POU2F1: variants seen among roughly 807,000 people sequenced by gnomAD.
POU2F1 encodes the protein POU domain, class 2, transcription factor 1.
A neutral mutation model predicts 84.9 loss-of-function variants in POU2F1; 16 were observed. The ratio of observed to expected loss-of-function variants is 0.19; its 90% CI spans 0.13 to 0.29. The LOEUF (loss-of-function observed/expected upper bound fraction) is 0.29, where lower values mean the gene tolerates loss of function less well. POU2F1 is among the 10% of genes least tolerant of loss of function. The pLI is 1.00. For missense variants in POU2F1, 738 were observed against 942.6 expected (o/e 0.78, Z 2.84); for synonymous variants, 368 against 368.3 (o/e 1.00, Z 0.01).
At chr1:167,230,714 A>G (rs542932511) in intron 1 of POU2F1, among the ~76,000 whole-genome samples, 15 of 152,356 alleles carry the variant, frequency 9.8e-5, no homozygotes, top group Non-Finnish European at 1.9e-4. Flanking sequence ...TCAGCACTTC[A>G]TTATACACAG....
intron 1 of POU2F1, among the ~76,000 whole-genome samples, chr1:167,249,093 A>G (rs1366105510): frequency 6.6e-6 from 1 of 152,200 alleles, no homozygotes; most frequent in East Asian, 1.9e-4. Context: ...TTACTGAAAC[A>G]CATATATTAT....
Position 167,416,087 on chromosome 1 carries a change from T to TAAAAAAAAAAAAAAAAAAAACAAAAAAAA in POU2F1, c.*296_*297insACAAAAAAAAAAAAAAAAAAAAAAAAAAA. ...ATTGGAGAACTTTCTAACCAAAAATTAAAAAAAAAAAAAAAAAAAGAAACA... is the reference window on the plus strand; with the variant it reads ...ATTGGAGAACTTTCTAACCAAAAATTAAAAAAAAAAAAAAAAAAAACAAAAAAAAAAAAAAAAAAAAAAAAAAAGAAACA... On this transcript the variant is annotated 3_prime_UTR_variant, in exon 16 of 16. Coordinates refer to ENST00000367866, the MANE Select transcript of POU2F1 (RefSeq NM_002697.4). 1 of 351,044 alleles carries TAAAAAAAAAAAAAAAAAAAACAAAAAAAA rather than the reference T, an allele frequency of 2.8e-6. No homozygotes were observed. Among genetic ancestry groups the TAAAAAAAAAAAAAAAAAAAACAAAAAAAA allele is most frequent in the East Asian group, 8.0e-5 (1 of 12,468 alleles). The allele number at this position is 351,044 out of a possible 1,614,324, so 21.7% of individuals were successfully genotyped here.
chr1:167,263,149 T>G (rs2102441287), intron 1 of POU2F1, among the ~76,000 whole-genome samples: 1 of 152,374 alleles, frequency 6.6e-6, no homozygotes, highest in East Asian at 1.9e-4. Context: ...AAGCTTAGTG[T>G]AGCTATCAAA....
chr1:167,401,379 G>T, intron 12 of POU2F1, 72 bp from the exon 13 acceptor site: 1 of 1,032,134 alleles, frequency 9.7e-7, no homozygotes, highest in Non-Finnish European at 1.4e-6. Flanking sequence ...ATCAAAGAAA[G>T]ACTGTAAAAT....
At chr1:167,280,360 G>GTT (rs775992023) in intron 1 of POU2F1, among the ~76,000 whole-genome samples, 138 of 139,750 alleles carry the variant, frequency 9.9e-4, no homozygotes, top group African/African-American at 3.4e-3. Context: ...GTTATGTAGG[G>GTT]TTTTTTTTTT....
At position 167,417,609 on chromosome 1, in the gene POU2F1, T is replaced by G. The variant is rs1219150069; in HGVS notation, c.*1799T>G. 1.3e-5 allele frequency: 2 copies of G among 152,324 alleles called. No individual in the cohort carries two copies. Among genetic ancestry groups the G allele is most frequent in the African/African-American group, 4.8e-5 (2 of 41,574 alleles). 9.4% of individuals were successfully genotyped at this position (152,324 alleles called of 1,614,324 possible). ...TTCCCCTTCTTATTGGAGTTAAAGGTTCCCATTTGGTGGCTGTGGGTGCTT... is the reference window on the plus strand; with the variant it reads ...TTCCCCTTCTTATTGGAGTTAAAGGGTCCCATTTGGTGGCTGTGGGTGCTT... On this transcript the variant is annotated 3_prime_UTR_variant, in exon 16 of 16. Transcript: ENST00000367866.
At chr1:167,353,305 C>T (rs1001855108) in intron 2 of POU2F1, among the ~76,000 whole-genome samples, 2 of 151,602 alleles carry the variant, frequency 1.3e-5, no homozygotes, top group Non-Finnish European at 2.9e-5. Flanking sequence ...CTCACCACCT[C>T]CCTCTTCAAT....
At chr1:167,241,190 G>A (rs1649874811) in intron 1 of POU2F1, among the ~76,000 whole-genome samples, 1 of 152,084 alleles carries the variant, frequency 6.6e-6, no homozygotes, top group South Asian at 2.1e-4. Flanking sequence ...TTCTCACCCA[G>A]GAGATAACTC....
chr1:167,393,506 AT>A (rs1279457136), intron 9 of POU2F1, among the ~76,000 whole-genome samples: 6 of 151,810 alleles, frequency 4.0e-5, no homozygotes, highest in African/African-American at 1.2e-4. Context: ...TTATTTATTT[AT>A]TTTTTTTAGA....
At chr1:167,275,323 G>C (rs1652651938) in intron 1 of POU2F1, among the ~76,000 whole-genome samples, 1 of 151,924 alleles carries the variant, frequency 6.6e-6, no homozygotes, top group South Asian at 2.1e-4. Context: ...ACTGTGCCCG[G>C]CTGTAATAAT....
Position 167,374,185 on chromosome 1 carries a change from G to GCAGCAGCACTCCGCCAGC in POU2F1, c.490_507dup (p.Ser166_Ala171dup). The stretch of plus-strand genomic sequence containing the variant: ...AGGCACAGCTGCTGGCTGCTGCAGT[G>GCAGCAGCACTCCGCCAGC]CAGCAGCACTCCGCCAGCCAGCAGC... On this transcript the variant is annotated inframe_insertion, in exon 6 of 16. Transcript: ENST00000367866. 1 of 1,613,544 alleles carries GCAGCAGCACTCCGCCAGC rather than the reference G, an allele frequency of 6.2e-7. No homozygotes were observed. The highest frequency in any genetic ancestry group is 8.5e-7 in the Non-Finnish European group (1 of 1,179,828).
chr1:167,295,178 G>T (rs1004742661), intron 1 of POU2F1, among the ~76,000 whole-genome samples: 2 of 151,726 alleles, frequency 1.3e-5, no homozygotes. Flanking sequence ...CCACTACAGG[G>T]TATCTACCCA....
chr1:167,248,288 T>G (rs1184067725), intron 1 of POU2F1, among the ~76,000 whole-genome samples: 1 of 152,366 alleles, frequency 6.6e-6, no homozygotes, highest in East Asian at 1.9e-4. Flanking sequence ...TTTTGCTTTG[T>G]TATACCTTGC....
chr1:167,393,108 A>G lies in POU2F1; in HGVS notation c.988-3178A>G, dbSNP rs371482285. Among the ~76,000 whole-genome samples the G allele has an allele frequency of 3.3e-5, 5 of 152,200 alleles. No individual in the cohort carries two copies. The East Asian group carries it at 9.6e-4, about 29-fold the overall frequency. On this transcript the variant is annotated intron_variant, in intron 9 of 15. Transcript: ENST00000367866. ...GGTACATTCATTATTTCCCAGTCTC[A>G]GTTTTTGTTCCTTTTTTGTTATGTT... is the stretch of plus-strand genomic sequence containing the variant.
chr1:167,282,669 C>T (rs1414980692), intron 1 of POU2F1, among the ~76,000 whole-genome samples: 1 of 152,070 alleles, frequency 6.6e-6, no homozygotes, highest in African/African-American at 2.4e-5. Flanking sequence ...CATTTTCTTC[C>T]CATGTTCTAC....
intron 1 of POU2F1, among the ~76,000 whole-genome samples, chr1:167,320,120 A>G (rs142698820): frequency 9.4e-4 from 141 of 150,478 alleles, no homozygotes; most frequent in Non-Finnish European, 1.6e-3. Flanking sequence ...GCAATTGGGT[A>G]AGTAAAGTCG....
intron 1 of POU2F1, among the ~76,000 whole-genome samples, chr1:167,309,567 T>C (rs1280732838): frequency 6.6e-6 from 1 of 152,166 alleles, no homozygotes; most frequent in Admixed American, 6.5e-5. Flanking sequence ...GACTGAATTA[T>C]GAAAAAAAGT....
intron 1 of POU2F1, among the ~76,000 whole-genome samples, chr1:167,258,145 C>A (rs895922200): frequency 3.3e-5 from 5 of 152,128 alleles, no homozygotes; most frequent in Admixed American, 2.0e-4. Flanking sequence ...TCTCATGCCC[C>A]CACTTTAAAC....
At chr1:167,332,211 T>G (rs1178962678) in intron 1 of POU2F1, among the ~76,000 whole-genome samples, 1 of 152,176 alleles carries the variant, frequency 6.6e-6, no homozygotes, top group Non-Finnish European at 1.5e-5. Context: ...TTCTGCTGTC[T>G]TTCTTTAAAG....
Sources: gnomAD v4.1 joint callset for allele counts (sites outside exome capture counted in the v4.1 genomes callset) on GRCh38, gnomAD v4.1.1 for gene constraint, MANE v1.5 for transcripts, NCBI Gene and HGNC (gene_info 2026-07-23, HGNC 2026-07-21) for gene names.